The following SRGAP1 variants were observed in gnomAD, a reference collection of about 807,000 sequenced individuals.
The protein encoded by SRGAP1 is SLIT-ROBO Rho GTPase-activating protein 1.
Under a neutral mutation model 121.9 loss-of-function variants are expected in SRGAP1, and 43 were observed. The ratio of observed to expected loss-of-function variants is 0.35; its 90% confidence interval spans 0.28 to 0.46. SRGAP1 has a LOEUF of 0.46. Ranked by LOEUF, SRGAP1 falls within the 20% of genes least tolerant of loss-of-function variation. The pLI is 1.00. For missense variants in SRGAP1, 1,102 were observed against 1,350.9 expected, an observed-to-expected ratio of 0.82 and a Z score of 2.89; for synonymous variants, 447 against 485.4, an observed-to-expected ratio of 0.92 and a Z score of 1.04.
intron 11 of SRGAP1, among the ~76,000 whole-genome samples, chr12:64,089,176 A>G (rs2036002011): frequency 6.6e-6 from 1 of 152,008 alleles, no homozygotes; most frequent in Non-Finnish European, 1.5e-5. Context: ...TGGTTCTGAC[A>G]CTCACGGCCA....
At position 64,155,706 on chromosome 12, in the gene SRGAP1, C is replaced by T. The variant is rs1214801401; in HGVS notation, c.*13034C>T. 1.3e-5 allele frequency: 2 copies of T among 152,048 alleles called. No homozygotes were observed. The highest frequency in any genetic ancestry group is 1.3e-4 in the Admixed American group (2 of 15,270). The allele number at this position is 152,048 out of a possible 1,614,324, so 9.4% of individuals were successfully genotyped here. ...ACCTCGGCTCACCACGACCTCGGCT[C>T]ACCGCAACCTCTGCCTCCCGGTTTC... On this transcript the variant is annotated 3_prime_UTR_variant, in exon 22 of 22. Coordinates refer to ENST00000355086, the MANE Select transcript of SRGAP1 (RefSeq NM_020762.4).
chr12:64,088,904 A>T (rs2035996103), intron 11 of SRGAP1, among the ~76,000 whole-genome samples: 1 of 152,186 alleles, frequency 6.6e-6, no homozygotes, highest in African/African-American at 2.4e-5. Flanking sequence ...TGAATCAGTG[A>T]CCAAACAAAA....
At chr12:63,882,399 A>G (rs1220639619) in intron 1 of SRGAP1, among the ~76,000 whole-genome samples, 4 of 152,080 alleles carry the variant, frequency 2.6e-5, no homozygotes, top group African/African-American at 9.7e-5. Context: ...CTCCTGCCTC[A>G]GCCTCCCAAG....
chr12:64,037,744 G>A (rs2034930197), intron 4 of SRGAP1, among the ~76,000 whole-genome samples: 1 of 152,136 alleles, frequency 6.6e-6, no homozygotes, highest in African/African-American at 2.4e-5. Flanking sequence ...TAGCCTGGAT[G>A]CCCTCCCTTC....
intron 15 of SRGAP1, among the ~76,000 whole-genome samples, chr12:64,105,325 G>A (rs1041370490): frequency 6.6e-6 from 1 of 152,088 alleles, no homozygotes; most frequent in Admixed American, 6.6e-5. Flanking sequence ...GAACATTTAG[G>A]TTGTCTCTAC....
rs558947388 is a variant in SRGAP1 at position 64,119,226 on chromosome 12, G to A, written c.2224+3333G>A. ...ATCTTCTTTGTGTGAATTTCCTCCT[G>A]GGCTCTATTCTTTTCTACTAGTCTA... On this transcript the variant is annotated intron_variant, in intron 18 of 21. Transcript: ENST00000355086. Among the ~76,000 whole-genome samples the A allele has an allele frequency of 2.0e-5, 3 of 152,082 alleles. No individual in the cohort carries two copies. The South Asian group carries it at 6.2e-4, about 32-fold the overall frequency.
intron 1 of SRGAP1, among the ~76,000 whole-genome samples, chr12:63,864,244 G>A (rs967557213): frequency 2.0e-5 from 3 of 152,106 alleles, no homozygotes; most frequent in Non-Finnish European, 4.4e-5. Context: ...TTGGAATTAC[G>A]TTGTGAAATA....
chr12:63,944,881 C>T (rs1218199611), intron 1 of SRGAP1, among the ~76,000 whole-genome samples: 2 of 152,212 alleles, frequency 1.3e-5, no homozygotes, highest in Non-Finnish European at 2.9e-5. Flanking sequence ...AGCTCCTTCA[C>T]CCTTGGACTG....
At chr12:63,885,848 A>G (rs1471621191) in intron 1 of SRGAP1, among the ~76,000 whole-genome samples, 1 of 152,222 alleles carries the variant, frequency 6.6e-6, no homozygotes, top group Admixed American at 6.5e-5. Flanking sequence ...ATGCCTACAC[A>G]CACACAAAAT....
At chr12:63,857,276 T>A in intron 1 of SRGAP1, among the ~76,000 whole-genome samples, 1 of 151,924 alleles carries the variant, frequency 6.6e-6, no homozygotes, top group African/African-American at 2.4e-5. Flanking sequence ...ATGGGATTTC[T>A]CCATGTTGGC....
intron 1 of SRGAP1, among the ~76,000 whole-genome samples, chr12:63,868,071 TTTTTTTTG>T (rs1899714478): frequency 1.0e-5 from 1 of 97,658 alleles, no homozygotes; most frequent in African/African-American, 4.6e-5. Context: ...TTTTTTTTTT[TTTTTTTTG>T]TTTTTTTTTT....
chr12:64,107,646 G>A (rs1232594301), intron 15 of SRGAP1, among the ~76,000 whole-genome samples: 1 of 152,022 alleles, frequency 6.6e-6, no homozygotes, highest in African/African-American at 2.4e-5. Context: ...GGTGGAAGAA[G>A]GTTTAAAAAA....
chr12:63,881,500 C>T (rs1261795738), intron 1 of SRGAP1, among the ~76,000 whole-genome samples: 3 of 152,174 alleles, frequency 2.0e-5, no homozygotes, highest in African/African-American at 7.2e-5. Context: ...TGTCTGGATT[C>T]CCATCCCAGC....
intron 4 of SRGAP1, among the ~76,000 whole-genome samples, chr12:64,042,042 T>A (rs2035036732): frequency 6.6e-6 from 1 of 151,712 alleles, no homozygotes; most frequent in Non-Finnish European, 1.5e-5. Context: ...GGATTACAGA[T>A]GTGCCAACAC....
chr12:63,859,162 C>A (rs1487991681), intron 1 of SRGAP1, among the ~76,000 whole-genome samples: 2 of 152,030 alleles, frequency 1.3e-5, no homozygotes, highest in African/African-American at 4.8e-5. Context: ...CCTTTTCTTG[C>A]TGAATCTTAA....
At chr12:63,890,405 G>A (rs183291350) in intron 1 of SRGAP1, among the ~76,000 whole-genome samples, 2 of 152,272 alleles carry the variant, frequency 1.3e-5, no homozygotes, top group East Asian at 3.9e-4. Flanking sequence ...GCTGCAGTGG[G>A]CACTAGCAAA....
At chr12:63,948,898 CAT>C (rs1309697781) in intron 1 of SRGAP1, among the ~76,000 whole-genome samples, 4 of 66,366 alleles carry the variant, frequency 6.0e-5, no homozygotes, top group African/African-American at 2.2e-4. Context: ...ATATATATTC[CAT>C]ATATATATTT....
chr12:64,092,447 T>A (rs1334988494), intron 12 of SRGAP1, among the ~76,000 whole-genome samples: 1 of 151,672 alleles, frequency 6.6e-6, no homozygotes, highest in Non-Finnish European at 1.5e-5. Flanking sequence ...GCATGTGGCA[T>A]GTATAAGGAC....
chr12:63,999,100 T>A (rs1020114589), intron 3 of SRGAP1, among the ~76,000 whole-genome samples: 1 of 151,988 alleles, frequency 6.6e-6, no homozygotes, highest in Non-Finnish European at 1.5e-5. Context: ...AAGAGTTAGC[T>A]GGAAAATGGT....
Sources: allele counts gnomAD v4.1 joint callset (sites outside exome capture counted in the v4.1 genomes callset), GRCh38; gene constraint gnomAD v4.1.1; transcripts MANE v1.5; gene names NCBI Gene and HGNC (gene_info 2026-07-23, HGNC 2026-07-21).